Variants in SATB2 observed in about 807,000 individuals in gnomAD.
The protein encoded by SATB2 is SATB homeobox 2.
Under a neutral mutation model 73.4 loss-of-function variants are expected in SATB2, and 1 was observed. The observed-to-expected ratio is 0.01, with a 90% confidence interval of 0.00 to 0.06. SATB2 has a LOEUF of 0.06. SATB2 is among the 10% of genes least tolerant of loss of function. SATB2 has a pLI of 1.00. For synonymous variants in SATB2, 397 were observed against 367.0 expected, an observed-to-expected ratio of 1.08 and a Z score of -0.93; for missense variants, 459 against 945.8, an observed-to-expected ratio of 0.49 and a Z score of 6.75.
chr2:199,409,643 A>G (rs1410055808), intron 3 of SATB2, among the ~76,000 whole-genome samples: 2 of 138,290 alleles, frequency 1.4e-5, no homozygotes, highest in Non-Finnish European at 3.2e-5. Flanking sequence ...AAAAAAAACC[A>G]AGACAAGTTT....
intron 2 of SATB2, among the ~76,000 whole-genome samples, chr2:199,447,026 A>G (rs1691983176): frequency 6.6e-6 from 1 of 152,110 alleles, no homozygotes; most frequent in Non-Finnish European, 1.5e-5. Flanking sequence ...TAGTATCCCC[A>G]CCACACATGG....
chr2:199,313,625 G>A (rs1171761756), intron 9 of SATB2, among the ~76,000 whole-genome samples: 2 of 152,154 alleles, frequency 1.3e-5, no homozygotes, highest in African/African-American at 4.8e-5. Context: ...CAATCCAAGT[G>A]TTCCTGAAAA....
At chr2:199,281,527 G>A (rs911753775) in intron 10 of SATB2, among the ~76,000 whole-genome samples, 1 of 151,632 alleles carries the variant, frequency 6.6e-6, no homozygotes, top group African/African-American at 2.4e-5. Flanking sequence ...ACAACAATTG[G>A]TTGAAAGTCC....
chr2:199,367,281 A>T (rs866511384), intron 6 of SATB2, among the ~76,000 whole-genome samples: 2 of 152,190 alleles, frequency 1.3e-5, no homozygotes, highest in Non-Finnish European at 2.9e-5. Context: ...CATTTGCCCA[A>T]ACCAGGATCT....
intron 8 of SATB2, among the ~76,000 whole-genome samples, chr2:199,325,830 G>T (rs903656018): frequency 1.3e-5 from 2 of 152,118 alleles, no homozygotes; most frequent in African/African-American, 4.8e-5. Context: ...CATGCAAAAT[G>T]TTCACAACAC....
chr2:199,309,464 T>C (rs1289203602), intron 9 of SATB2, among the ~76,000 whole-genome samples: 1 of 152,222 alleles, frequency 6.6e-6, no homozygotes, highest in Non-Finnish European at 1.5e-5. Context: ...GCAACAACCT[T>C]GGCTAGAATG....
At chr2:199,341,985 C>G (rs544341495) in intron 7 of SATB2, among the ~76,000 whole-genome samples, 1 of 152,282 alleles carries the variant, frequency 6.6e-6, no homozygotes, top group South Asian at 2.1e-4. Flanking sequence ...TGCTTCAGAG[C>G]TGTCGCTACT....
At chr2:199,304,125 G>A (rs1458397397) in intron 10 of SATB2, among the ~76,000 whole-genome samples, 7 of 152,092 alleles carry the variant, frequency 4.6e-5, no homozygotes, top group Admixed American at 6.6e-5. Context: ...TTTTCATTCC[G>A]CTGGCAACCC....
chr2:199,275,936 T>C (rs76527759), intron 10 of SATB2, among the ~76,000 whole-genome samples: 14,159 of 152,178 alleles, frequency 0.093, 973 homozygotes, highest in Non-Finnish European at 0.13. Context: ...AACCGCAATA[T>C]ACATAATATC....
chr2:199,328,627 AAC>A (rs1688099308), intron 8 of SATB2, 69 bp downstream of exon 8: 1 of 1,136,720 alleles, frequency 8.8e-7, no homozygotes, highest in East Asian at 2.3e-5. Context: ...TTTGAGGGAA[AAC>A]ACAGTAACTA....
intron 3 of SATB2, among the ~76,000 whole-genome samples, chr2:199,402,628 G>A (rs1277204189): frequency 1.3e-5 from 2 of 152,168 alleles, no homozygotes; most frequent in Admixed American, 1.3e-4. Flanking sequence ...CAATTGCATT[G>A]AAGGGAACAT....
At chr2:199,339,492 G>A (rs1000331503) in intron 7 of SATB2, among the ~76,000 whole-genome samples, 2 of 152,084 alleles carry the variant, frequency 1.3e-5, no homozygotes, top group Non-Finnish European at 2.9e-5. Flanking sequence ...ACTCAATAAC[G>A]GGTTCATGCT....
chr2:199,349,707 GCTAT>G (rs1251594251), intron 6 of SATB2, among the ~76,000 whole-genome samples: 1 of 152,040 alleles, frequency 6.6e-6, no homozygotes, highest in Non-Finnish European at 1.5e-5. Flanking sequence ...TGACTCACTT[GCTAT>G]CTTTTTTATA....
chr2:199,414,497 C>G (rs969473069), intron 3 of SATB2, among the ~76,000 whole-genome samples: 1 of 152,136 alleles, frequency 6.6e-6, no homozygotes, highest in Non-Finnish European at 1.5e-5. Context: ...TAAATACATA[C>G]CCCTCTCCTA....
At chr2:199,341,488 G>A (rs1367198384) in intron 7 of SATB2, among the ~76,000 whole-genome samples, 1 of 152,042 alleles carries the variant, frequency 6.6e-6, no homozygotes, top group Non-Finnish European at 1.5e-5. Flanking sequence ...ATCTCATAAG[G>A]CCTTACATCC....
chr2:199,363,978 T>G (rs1298314067), intron 6 of SATB2, among the ~76,000 whole-genome samples: 1 of 152,114 alleles, frequency 6.6e-6, no homozygotes, highest in Non-Finnish European at 1.5e-5. Context: ...AGTAAGTTAC[T>G]TTTACCTCAT....
At chr2:199,451,602 T>C (rs1692126168) in intron 2 of SATB2, among the ~76,000 whole-genome samples, 1 of 152,082 alleles carries the variant, frequency 6.6e-6, no homozygotes, top group African/African-American at 2.4e-5. Context: ...TATTTTATAA[T>C]CTCAATATAT....
chr2:199,345,250 T>C (rs1478621254), intron 7 of SATB2, among the ~76,000 whole-genome samples: 2 of 152,148 alleles, frequency 1.3e-5, no homozygotes, highest in Non-Finnish European at 2.9e-5. Flanking sequence ...ATAACTCTTC[T>C]TCCTAGCGCC....
At chr2:199,294,491 T>C (rs1367930135) in intron 10 of SATB2, among the ~76,000 whole-genome samples, 1 of 152,222 alleles carries the variant, frequency 6.6e-6, no homozygotes, top group Admixed American at 6.5e-5. Flanking sequence ...TTCATTACTA[T>C]GTTAACTTAC....
Sources: allele counts gnomAD v4.1 joint callset (sites outside exome capture counted in the v4.1 genomes callset), GRCh38; gene constraint gnomAD v4.1.1; transcripts MANE v1.5; gene names NCBI Gene and HGNC (gene_info 2026-07-23, HGNC 2026-07-21).